Variants in PCDHGB1 observed in about 807,000 individuals in gnomAD.
The protein encoded by PCDHGB1 is protocadherin gamma subfamily B, 1.
In PCDHGB1, 34 loss-of-function variants were observed where a neutral mutation model predicts 56.6. The ratio of observed to expected loss-of-function variants is 0.60; its 90% CI spans 0.46 to 0.80. The LOEUF (loss-of-function observed/expected upper bound fraction) is 0.80. Ranked by LOEUF, PCDHGB1 falls within the 30% of genes least tolerant of loss-of-function variation. PCDHGB1 has a pLI of 0.00. For synonymous variants in PCDHGB1, 561 were observed against 505.9 expected (o/e 1.11, Z -1.46); for missense variants, 1,278 against 1,204.6 (o/e 1.06, Z -0.90).
At chr5:141,404,192 A>G in intron 1 of PCDHGB1, 1 of 1,613,574 alleles carries the variant, frequency 6.2e-7, no homozygotes. Flanking sequence ...TGACCGAGAA[A>G]AAGCCTCAGA....
At position 141,431,580 on chromosome 5, in the gene PCDHGB1, A is replaced by G. The variant is rs777990962; in HGVS notation, c.2410-63227A>G. ...GCTACCGACCCTGACGAAGGAGTCA[A>G]TGCGGAAGTGAGGTATTCCTTCCGG... On this transcript the variant is annotated intron_variant, in intron 1 of 3. Coordinates refer to ENST00000523390, the MANE Select transcript of PCDHGB1 (RefSeq NM_018922.3). The surrounding 1 kb of genome is among the most constrained non-coding windows in gnomAD (Gnocchi z 4.8). 1.2e-5 allele frequency: 19 copies of G among 1,614,098 alleles called. No homozygotes were observed. Among genetic ancestry groups the G allele is most frequent in the Non-Finnish European group, 1.5e-5 (18 of 1,180,040 alleles).
At chr5:141,374,076 A>AGCCAGTAATGGCGCCTCCGCAGAGGC (rs1770087883) in intron 1 of PCDHGB1, 1 of 1,514,538 alleles carries the variant, frequency 6.6e-7, no homozygotes, top group Non-Finnish European at 8.8e-7. Flanking sequence ...GTTCCTAATA[A>AGCCAGTAATGGCGCCTCCGCAGAGGC]GCCAGTAATG....
chr5:141,410,847 G>GTTT (rs773839667), intron 1 of PCDHGB1: 4 of 158,330 alleles, frequency 2.5e-5, no homozygotes, highest in South Asian at 1.1e-4. Context: ...TTTTGTCTTT[G>GTTT]TCTTTTTTTT....
chr5:141,404,630 C>T (rs1391155615), intron 1 of PCDHGB1: 1 of 1,614,154 alleles, frequency 6.2e-7, no homozygotes, highest in Admixed American at 1.7e-5. Flanking sequence ...TGACAATGCC[C>T]CAGAAATCCT....
rs2099394923 is a variant in PCDHGB1 at position 141,476,611 on chromosome 5, A to G, written c.2410-18196A>G. On this transcript the variant is annotated intron_variant, in intron 1 of 3. Coordinates refer to ENST00000523390, the MANE Select transcript of PCDHGB1 (RefSeq NM_018922.3). The surrounding 1 kb of genome is among the most constrained non-coding windows in gnomAD (Gnocchi z 7.6). ...AGAGCGCGCACGATCCCGATGTGGG[A>G]AGCAACTCTTTACAAACCTATGAGC... 6.2e-7 allele frequency: 1 copy of G among 1,614,092 alleles called. No individual in the cohort carries two copies. Among genetic ancestry groups the G allele is most frequent in the Non-Finnish European group, 8.5e-7 (1 of 1,180,042 alleles).
At chr5:141,405,240 C>G (rs2094630274) in intron 1 of PCDHGB1, 4 of 1,614,136 alleles carry the variant, frequency 2.5e-6, no homozygotes, top group African/African-American at 2.7e-5. Context: ...ACCGCTGACT[C>G]AAGGAAGAGT....
At chr5:141,440,593 T>C (rs1456640262) in intron 1 of PCDHGB1, 1 of 152,202 alleles carries the variant, frequency 6.6e-6, no homozygotes, top group African/African-American at 2.4e-5. Context: ...TGGAACAAGA[T>C]TTGCAACAGA....
chr5:141,360,383 A>G, intron 1 of PCDHGB1: 1 of 1,613,868 alleles, frequency 6.2e-7, no homozygotes, highest in Non-Finnish European at 8.5e-7. Context: ...GAAAGCGGAG[A>G]CTTACTTGTG....
rs1758473968 is a variant in PCDHGB1 at position 141,350,434 on chromosome 5, G to A, written c.174G>A (p.Glu58=). 1 of 1,610,710 alleles carries A rather than the reference G, an allele frequency of 6.2e-7. No homozygotes were observed. The highest frequency in any genetic ancestry group is 2.2e-5 in the East Asian group (1 of 44,814). Residue 58 remains glutamate (E), a synonymous_variant, in exon 1 of 4, where the codon GAG becomes GAA. Transcript: ENST00000523390. Reference sequence around the variant, plus strand: ...AGGATCTGGGGCTCAGTGTCCGGGAGTTGCCAACTCGAAAACTGCGGGTTA... The same window carrying A: ...AGGATCTGGGGCTCAGTGTCCGGGAATTGCCAACTCGAAAACTGCGGGTTA... ...LAKDLGLSVR[E]LPTRKLRVSA...
intron 1 of PCDHGB1, chr5:141,399,518 G>C (rs2093824828): frequency 6.2e-7 from 1 of 1,613,994 alleles, no homozygotes. Flanking sequence ...AACCCTCCTG[G>C]GGCCTCCATC....
intron 1 of PCDHGB1, among the ~76,000 whole-genome samples, chr5:141,405,709 C>T (rs2094708572): frequency 2.0e-5 from 3 of 152,150 alleles, no homozygotes; most frequent in African/African-American, 7.2e-5. Context: ...AATTCCTAAC[C>T]TCAAGTGATC....
rs558951022 is a variant in PCDHGB1 at position 141,501,554 on chromosome 5, C to T, written c.2469-3839C>T. On this transcript the variant is annotated intron_variant, in intron 2 of 3. Coordinates refer to ENST00000523390, the MANE Select transcript of PCDHGB1 (RefSeq NM_018922.3). ...CGTTGTTGTGCATAAGATCATAGGC[C>T]CTGGAATCATATTAGGCTGGCTTTC... is the stretch of plus-strand genomic sequence containing the variant. Among the ~76,000 whole-genome samples the T allele has an allele frequency of 3.3e-5, 5 of 152,044 alleles. No homozygotes were observed. In the East Asian group the frequency reaches 7.8e-4, roughly 24 times the overall value.
Position 141,477,778 on chromosome 5 carries a change from C to T in PCDHGB1, c.2410-17029C>T, listed in dbSNP as rs866423908. On this transcript the variant is annotated intron_variant, in intron 1 of 3. Transcript: ENST00000523390. This position sits in a 1 kb window ranked among gnomAD's most constrained non-coding sequence, Gnocchi z 4.9. ...TCCTAGCCACCAACATCAGCGTGAA[C>T]ATATTTGTCACTGATCGCAATGACA... 2.5e-6 allele frequency: 4 copies of T among 1,614,052 alleles called. No homozygotes were observed. In the African/African-American group the frequency reaches 5.3e-5, roughly 22 times the overall value.
intron 1 of PCDHGB1, chr5:141,413,378 T>G (rs2095632557): frequency 6.2e-7 from 1 of 1,613,616 alleles, no homozygotes; most frequent in Non-Finnish European, 8.5e-7. Context: ...GAGCGCGGAG[T>G]CCGCATAGTC....
At chr5:141,376,234 G>A (rs1426358733) in intron 1 of PCDHGB1, 91 of 1,614,096 alleles carry the variant, frequency 5.6e-5, no homozygotes, top group Non-Finnish European at 7.5e-5. Flanking sequence ...TCAGACTGCA[G>A]CGCTGGCACA....
chr5:141,420,067 A>G (rs2096463342), intron 1 of PCDHGB1: 2 of 1,614,034 alleles, frequency 1.2e-6, no homozygotes, highest in East Asian at 2.2e-5. Flanking sequence ...CCAAGTCCGG[A>G]CCTGTGGGTC....
At chr5:141,394,371 T>C (rs753598001) in intron 1 of PCDHGB1, 5 of 1,614,056 alleles carry the variant, frequency 3.1e-6, no homozygotes, top group Non-Finnish European at 4.2e-6. Context: ...GCTGCAATCT[T>C]TCGACTATGA....
At chr5:141,403,579 C>T in intron 1 of PCDHGB1, 2 of 1,613,926 alleles carry the variant, frequency 1.2e-6, no homozygotes, top group South Asian at 1.1e-5. Flanking sequence ...CTGCCCACCA[C>T]CTGGTCCTCA....
At chr5:141,423,882 C>T in intron 1 of PCDHGB1, 3 of 1,282,372 alleles carry the variant, frequency 2.3e-6, no homozygotes, top group Non-Finnish European at 3.0e-6. Context: ...TCAATCTTGG[C>T]ATATTTTCTT....
Sources: allele counts gnomAD v4.1 joint callset (sites outside exome capture counted in the v4.1 genomes callset), GRCh38; gene constraint gnomAD v4.1.1; non-coding constraint Gnocchi (gnomAD v3.1); transcripts MANE v1.5; gene names NCBI Gene and HGNC (gene_info 2026-07-23, HGNC 2026-07-21).